Variants in NPEPPS observed in about 807,000 individuals in gnomAD.
NPEPPS encodes the protein aminopeptidase puromycin sensitive.
Under a neutral mutation model 115.5 loss-of-function variants are expected in NPEPPS, and 14 were observed. The observed-to-expected ratio is 0.12, with a 90% confidence interval of 0.08 to 0.19. The LOEUF is 0.19. Ranked by LOEUF, NPEPPS falls within the 10% of genes least tolerant of loss-of-function variation. The probability of loss-of-function intolerance (pLI) is 1.00; values close to 1 mark genes in which losing one functional copy is unlikely to be tolerated. For synonymous variants in NPEPPS, 285 were observed against 390.6 expected (o/e 0.73, Z 3.19); for missense variants, 523 against 1,110.8 (o/e 0.47, Z 7.52).
chr17:47,556,151 A>G (rs1335288294), intron 2 of NPEPPS, among the ~76,000 whole-genome samples: 1 of 147,538 alleles, frequency 6.8e-6, no homozygotes, highest in Non-Finnish European at 1.5e-5. Context: ...TCATAGGACA[A>G]TAGAGGAGGG....
rs558575997 is a variant in NPEPPS, at chr17:47,557,939, T to G, written c.341-11478T>G. Among the ~76,000 whole-genome samples the G allele has an allele frequency of 6.7e-5, 10 of 150,138 alleles. 1 individual carries two copies. The South Asian group carries it at 1.9e-3, about 29-fold the overall frequency. ...GGCAATTATGATTTGATTCCATGTT[T>G]TTTTTTTTTTTTGTACAGTCTCTGT... On this transcript the variant is annotated intron_variant, in intron 2 of 22. Coordinates refer to ENST00000322157, the MANE Select transcript of NPEPPS (RefSeq NM_006310.4).
chr17:47,532,334 G>GT (rs1168846418), intron 1 of NPEPPS, among the ~76,000 whole-genome samples: 1 of 152,038 alleles, frequency 6.6e-6, no homozygotes, highest in Non-Finnish European at 1.5e-5. Context: ...TATTGCTACC[G>GT]TGATGGTTGC....
intron 18 of NPEPPS, 107 bp from the exon 19 acceptor site, chr17:47,613,562 C>T (rs889052553): frequency 2.0e-5 from 19 of 959,434 alleles, no homozygotes; most frequent in African/African-American, 8.2e-5. Flanking sequence ...TCACCGCAGC[C>T]GGCCAACATT....
intron 1 of NPEPPS, among the ~76,000 whole-genome samples, chr17:47,540,649 C>T (rs934465858): frequency 6.6e-6 from 1 of 152,200 alleles, no homozygotes; most frequent in Non-Finnish European, 1.5e-5. Context: ...AACTTCATAT[C>T]ATTCTGATCA....
At chr17:47,609,030 C>G (rs969894276) in intron 17 of NPEPPS, among the ~76,000 whole-genome samples, 9 of 151,618 alleles carry the variant, frequency 5.9e-5, no homozygotes, top group Admixed American at 4.6e-4. Context: ...CTGAGAAGAT[C>G]AGAGAAAAGG....
chr17:47,566,534 A>T (rs1431191457), intron 2 of NPEPPS, among the ~76,000 whole-genome samples: 7 of 135,524 alleles, frequency 5.2e-5, no homozygotes, highest in Admixed American at 1.5e-4. Flanking sequence ...ACAGAGTCTC[A>T]CTCTGTCTCC....
chr17:47,565,894 A>G (rs1252748069), intron 2 of NPEPPS, among the ~76,000 whole-genome samples: 2 of 152,184 alleles, frequency 1.3e-5, no homozygotes, highest in African/African-American at 4.8e-5. Flanking sequence ...AAGACTTTGC[A>G]ATCAGATGCA....
chr17:47,548,522 A>C (rs1422478651), intron 2 of NPEPPS, among the ~76,000 whole-genome samples: 2 of 151,724 alleles, frequency 1.3e-5, no homozygotes, highest in Non-Finnish European at 2.9e-5. Flanking sequence ...GCATGGTTTC[A>C]GCTCAAGTTT....
chr17:47,547,754 C>T (rs1169042725), intron 2 of NPEPPS, among the ~76,000 whole-genome samples: 1 of 152,224 alleles, frequency 6.6e-6, no homozygotes, highest in Non-Finnish European at 1.5e-5. Context: ...CGGCCGGGCG[C>T]GGTGGCTCAC....
At position 47,622,124 on chromosome 17, in the gene NPEPPS, T is replaced by A; in HGVS notation, c.*204T>A. On this transcript the variant is annotated 3_prime_UTR_variant, in exon 23 of 23. Transcript: ENST00000322157. The stretch of plus-strand genomic sequence containing the variant: ...GGAAAATCAGCAATTCAGCAAAAAA[T>A]AAATAAAAAATAAAAATGTAAATAT... 2 of 1,271,474 alleles carry A rather than the reference T, an allele frequency of 1.6e-6. No individual in the cohort carries two copies. The highest frequency in any genetic ancestry group is 2.0e-6 in the Non-Finnish European group (2 of 1,004,150). The allele number at this position is 1,271,474 out of a possible 1,614,324, so 78.8% of individuals were successfully genotyped here. A position where few individuals can be genotyped will look rare whatever the true frequency, so the allele number is the denominator to read the frequency against.
intron 12 of NPEPPS, among the ~76,000 whole-genome samples, chr17:47,593,760 G>C (rs1429741978): frequency 6.6e-6 from 1 of 152,174 alleles, no homozygotes; most frequent in African/African-American, 2.4e-5. Context: ...CAAAATACCT[G>C]TACAGCATGT....
intron 19 of NPEPPS, among the ~76,000 whole-genome samples, chr17:47,616,251 G>A (rs574330992): frequency 1.3e-5 from 2 of 152,232 alleles, no homozygotes; most frequent in East Asian, 3.9e-4. Context: ...CTATTTTACT[G>A]CACTGCTGCT....
intron 3 of NPEPPS, among the ~76,000 whole-genome samples, chr17:47,575,877 G>A (rs1198625433): frequency 2.0e-5 from 3 of 151,978 alleles, no homozygotes; most frequent in Non-Finnish European, 4.4e-5. Context: ...CAAAGTGCTG[G>A]AATTACAGGT....
chr17:47,558,771 A>G (rs1386732148), intron 2 of NPEPPS, among the ~76,000 whole-genome samples: 1 of 151,466 alleles, frequency 6.6e-6, no homozygotes, highest in Non-Finnish European at 1.5e-5. Flanking sequence ...GTGGTGGCTG[A>G]CGCTTGTAAT....
intron 16 of NPEPPS, among the ~76,000 whole-genome samples, chr17:47,604,591 TG>T (rs1272500720): frequency 2.6e-5 from 4 of 152,232 alleles, no homozygotes; most frequent in African/African-American, 7.2e-5. Flanking sequence ...ATGATAAAAT[TG>T]TCATATTCCT....
chr17:47,581,080 CAA>C (rs1911846969), intron 4 of NPEPPS: 1 of 152,102 alleles, frequency 6.6e-6, no homozygotes, highest in African/African-American at 2.4e-5. Context: ...TTTTCACTTT[CAA>C]AAGTCTGTGA....
At chr17:47,549,465 G>A (rs1409842146) in intron 2 of NPEPPS, among the ~76,000 whole-genome samples, 1 of 152,058 alleles carries the variant, frequency 6.6e-6, no homozygotes, top group East Asian at 1.9e-4. Flanking sequence ...AGAATGGGAA[G>A]TTGTATGAGT....
chr17:47,568,422 C>T (rs1247336079), intron 2 of NPEPPS, among the ~76,000 whole-genome samples: 2 of 152,142 alleles, frequency 1.3e-5, no homozygotes, highest in African/African-American at 4.8e-5. Context: ...CCACACGCCT[C>T]GGCCTCCCAA....
chr17:47,550,330 T>TG (rs1491241844), intron 2 of NPEPPS, among the ~76,000 whole-genome samples: 5 of 129,226 alleles, frequency 3.9e-5, no homozygotes, highest in African/African-American at 1.2e-4. Context: ...CATGTGTGTG[T>TG]TTTTTTTTTT....
Sources: gnomAD v4.1 joint callset for allele counts (sites outside exome capture counted in the v4.1 genomes callset) on GRCh38, gnomAD v4.1.1 for gene constraint, MANE v1.5 for transcripts, NCBI Gene and HGNC (gene_info 2026-07-23, HGNC 2026-07-21) for gene names.